NLRP2: variants seen among roughly 807,000 people sequenced by gnomAD.
The protein encoded by NLRP2 is NACHT, LRR and PYD domains-containing protein 2.
In NLRP2, 107 loss-of-function variants were observed where a neutral mutation model predicts 97.2. That is an observed-to-expected ratio of 1.10 (90% CI 0.94 to 1.29). The LOEUF (loss-of-function observed/expected upper bound fraction) is 1.29. Among genes scored for constraint, NLRP2 ranks in the 50% most tolerant of loss-of-function variants. NLRP2 has a pLI of 0.00. For synonymous variants in NLRP2, 663 were observed against 551.5 expected (o/e 1.20, Z -2.83); for missense variants, 1,495 against 1,330.3 (o/e 1.12, Z -1.93).
rs551019163 is a variant in NLRP2, at chr19:54,991,339, G to T, written c.2708+667G>T. On this transcript the variant is annotated intron_variant, in intron 10 of 12. Transcript: ENST00000448584. ...CCGAAGCAAGGCAGATCCCTTGAGG[G>T]CAGGAGTTCAAGACCAGCCTGCCCA... 7.2e-5 allele frequency among the ~76,000 whole-genome samples: 11 copies of T among 152,022 alleles called. No individual in the cohort carries two copies. In the South Asian group the frequency reaches 1.7e-3, roughly 23 times the overall value.
Position 54,984,329 on chromosome 19 carries a change from G to GTGTGTTTTTTTTTTTGTT in NLRP2, c.2030+602_2030+603insGTGTTTTTTTTTTTGTTT. On this transcript the variant is annotated intron_variant, in intron 6 of 12. Transcript: ENST00000448584. ...AACTTAAGTGGGGGTTTTTTTTTGT[G>GTGTGTTTTTTTTTTTGTT]TTTTTTTTTTTTTTTTTTTTTTTGG... 4.1e-4 allele frequency among the ~76,000 whole-genome samples: 33 copies of GTGTGTTTTTTTTTTTGTT among 79,668 alleles called. 2 individuals carry two copies. The highest frequency in any genetic ancestry group is 6.5e-4 in the Non-Finnish European group (26 of 39,960). The allele number at this position is 79,668 out of a possible 152,430, so 52.3% of individuals were successfully genotyped here. A position where few individuals can be genotyped will look rare whatever the true frequency, so the allele number is the denominator to read the frequency against.
At chr19:54,967,915 CTA>C in intron 1 of NLRP2, among the ~76,000 whole-genome samples, 1 of 121,572 alleles carries the variant, frequency 8.2e-6, no homozygotes, top group East Asian at 2.2e-4. Context: ...GTTGCTACTG[CTA>C]TTTTTTTTTT....
At chr19:54,978,288 A>C (rs1398393820) in intron 4 of NLRP2, among the ~76,000 whole-genome samples, 3 of 146,668 alleles carry the variant, frequency 2.0e-5, no homozygotes, top group Non-Finnish European at 4.5e-5. Context: ...AGGCTGGAGT[A>C]TAGTGGCACC....
intron 10 of NLRP2, 98 bp from the exon 11 acceptor site, chr19:54,994,171 C>CT (rs2072664126): frequency 7.9e-7 from 1 of 1,258,650 alleles, no homozygotes; most frequent in African/African-American, 1.5e-5. Flanking sequence ...ACCACTGTCT[C>CT]TAAGTGTGTC....
At chr19:54,984,468 A>G (rs1050941102) in intron 6 of NLRP2, among the ~76,000 whole-genome samples, 5 of 99,680 alleles carry the variant, frequency 5.0e-5, no homozygotes, top group African/African-American at 1.9e-4. Flanking sequence ...ATATGTATAG[A>G]TATGTATATT....
intron 2 of NLRP2, among the ~76,000 whole-genome samples, chr19:54,971,136 A>G (rs1252006780): frequency 2.0e-5 from 3 of 150,704 alleles, no homozygotes; most frequent in Non-Finnish European, 4.4e-5. Flanking sequence ...CCATGTCCCT[A>G]CAAAGGACAT....
intron 5 of NLRP2, 88 bp from the exon 6 acceptor site, chr19:54,982,074 G>A (rs554129733): frequency 7.1e-6 from 11 of 1,548,824 alleles, no homozygotes; most frequent in South Asian, 2.2e-5. Context: ...CACTGTGCCC[G>A]GCCAACACAA....
At chr19:54,999,511 A>G (rs1318039743) in intron 12 of NLRP2, among the ~76,000 whole-genome samples, 1 of 152,166 alleles carries the variant, frequency 6.6e-6, no homozygotes, top group Non-Finnish European at 1.5e-5. Flanking sequence ...AGTGGGTGAT[A>G]GAGCGGGTAA....
chr19:54,994,449 C>CT lies in NLRP2; in HGVS notation c.2879+12dup. On this transcript the variant is annotated intron_variant, in intron 11 of 12. Coordinates refer to ENST00000448584, the MANE Select transcript of NLRP2 (RefSeq NM_017852.5). ...ACTTGAGATGTCTGTGGTGAGTTAA[C>CT]TTATAAGTTCAACTTCCTATACTTA... 6.2e-7 allele frequency: 1 copy of CT among 1,612,128 alleles called. No individual in the cohort carries two copies. Among genetic ancestry groups the CT allele is most frequent in the South Asian group, 1.1e-5 (1 of 90,996 alleles).
chr19:54,982,885 C>G lies in NLRP2; in HGVS notation c.1187C>G (p.Ser396Trp), dbSNP rs371887051. ...AACGCGGCCCTGTTCCAGCTGGGCT[C>G]GGCCCCCGCGGTGTGCTGGATCGTG... is the stretch of plus-strand genomic sequence containing the variant. The part of the protein sequence containing the change: ...RSNAALFQLG[S>W]APAVCWIVCT... Residue 396 changes from serine to tryptophan, a missense_variant, in exon 6 of 13, where the codon TCG (serine) becomes TGG (tryptophan). Ser to Trp is a radical substitution (Grantham distance 177). Coordinates refer to ENST00000448584, the MANE Select transcript of NLRP2 (RefSeq NM_017852.5). The G allele has an allele frequency of 3.1e-6, 5 of 1,612,914 alleles. No homozygotes were observed. The highest frequency in any genetic ancestry group is 4.2e-6 in the Non-Finnish European group (5 of 1,179,994).
intron 7 of NLRP2, among the ~76,000 whole-genome samples, chr19:54,985,715 G>T (rs2072026195): frequency 1.3e-5 from 2 of 150,992 alleles, no homozygotes; most frequent in African/African-American, 4.9e-5. Flanking sequence ...GAAAAAAAGG[G>T]CCGGGCACAA....
At chr19:54,974,579 G>T in intron 3 of NLRP2, 35 bp downstream of exon 3, 2 of 1,404,612 alleles carry the variant, frequency 1.4e-6, no homozygotes, top group Non-Finnish European at 2.0e-6. Flanking sequence ...TATTCTTCAT[G>T]TGAGATCTGG....
intron 9 of NLRP2, 35 bp downstream of exon 9, chr19:54,990,227 TTCGATCTGGGGCCAC>T: frequency 6.2e-7 from 1 of 1,608,280 alleles, no homozygotes; most frequent in Non-Finnish European, 8.5e-7. Flanking sequence ...CAGCTGTGCT[TTCGATCTGGGGCCAC>T]AGACGAGCAA....
At chr19:54,966,989 G>T (rs1272814897) in intron 1 of NLRP2, among the ~76,000 whole-genome samples, 1 of 151,670 alleles carries the variant, frequency 6.6e-6, no homozygotes, top group African/African-American at 2.4e-5. Context: ...CCGTGGGAGG[G>T]TGCCACCACA....
chr19:54,969,176 C>A (rs2146330286), intron 1 of NLRP2, among the ~76,000 whole-genome samples: 1 of 152,202 alleles, frequency 6.6e-6, no homozygotes, highest in African/African-American at 2.4e-5. Context: ...AGAACCTGAG[C>A]AGCCCCTCAG....
intron 3 of NLRP2, among the ~76,000 whole-genome samples, chr19:54,976,551 T>C (rs2071239859): frequency 6.6e-6 from 1 of 152,070 alleles, no homozygotes; most frequent in Admixed American, 6.6e-5. Flanking sequence ...TTCACCATGT[T>C]GGCCAGGCTG....
Position 54,994,252 on chromosome 19 carries a change from C to G in NLRP2, c.2709-17C>G, listed in dbSNP as rs750561060. On this transcript the variant is annotated splice_polypyrimidine_tract_variant and intron_variant, in intron 10 of 12. Coordinates refer to ENST00000448584, the MANE Select transcript of NLRP2 (RefSeq NM_017852.5). ...TCACAGGTTCGGGTTTGCTTTCTTC[C>G]TGTGGTTGATTTCTAGGCTTTGGAA... The G allele has an allele frequency of 9.3e-6, 15 of 1,613,768 alleles. No individual in the cohort carries two copies. Among genetic ancestry groups the G allele is most frequent in the African/African-American group, 1.3e-5 (1 of 74,916 alleles).
chr19:54,997,250 C>T, intron 11 of NLRP2, 67 bp from the exon 12 acceptor site: 8 of 1,543,790 alleles, frequency 5.2e-6, no homozygotes, highest in Admixed American at 1.7e-5. Context: ...CGAGGGTGGG[C>T]TTGGCTTGCC....
At chr19:54,986,053 T>C (rs1033453553) in intron 7 of NLRP2, 98 bp from the exon 8 acceptor site, 2 of 827,606 alleles carry the variant, frequency 2.4e-6, no homozygotes, top group Non-Finnish European at 4.1e-6. Context: ...ATGGAAAAAA[T>C]AGTTCCTAAA....
Sources: gnomAD v4.1 joint callset for allele counts (sites outside exome capture counted in the v4.1 genomes callset) on GRCh38, gnomAD v4.1.1 for gene constraint, MANE v1.5 for transcripts, NCBI Gene and HGNC (gene_info 2026-07-23, HGNC 2026-07-21) for gene names.